The following PKHD1 variants were observed in gnomAD, a reference collection of about 807,000 sequenced individuals.
The protein encoded by PKHD1 is fibrocystin.
PKHD1 carries 291 observed loss-of-function variants against 412.0 expected under a neutral mutation model. The ratio of observed to expected loss-of-function variants is 0.71; its 90% CI spans 0.64 to 0.78. The LOEUF (loss-of-function observed/expected upper bound fraction) is 0.78. PKHD1 is among the 30% of genes least tolerant of loss of function. The probability of loss-of-function intolerance (pLI) is 0.00; values close to 1 mark genes in which losing one functional copy is unlikely to be tolerated. For missense variants in PKHD1, 4,825 were observed against 4,950.7 expected (o/e 0.97, Z 0.76); for synonymous variants, 1,777 against 1,821.5 (o/e 0.98, Z 0.62).
rs758752468 is a variant in PKHD1 at position 52,084,913 on chromosome 6, A to C, written c.21T>G (p.Ser7=). MTAWLI[S]LMSIEVLLLA... Reference sequence around the variant, plus strand: ...AAAGTAGTACTTCAATACTCATCAGAGAGATCAGCCAGGCAGTCATTCTGT... The same window carrying C: ...AAAGTAGTACTTCAATACTCATCAGCGAGATCAGCCAGGCAGTCATTCTGT... The change falls in exon 2 of 67, where the codon TCT becomes TCG. Residue 7 remains serine (S), a synonymous_variant. Transcript: ENST00000371117. 1 of 1,607,730 alleles carries C rather than the reference A, an allele frequency of 6.2e-7. No homozygotes were observed. Among genetic ancestry groups the C allele is most frequent in the Admixed American group, 1.7e-5 (1 of 60,012 alleles).
chr6:51,791,331 C>G lies in PKHD1; in HGVS notation c.8345G>C (p.Gly2782Ala), dbSNP rs147222255. ...LVDTDLPFFK[G>A]LYVMGTLDFP... ...GTCTAAGGTCCCCATCACATACAGC[C>G]CTTTGAAGAATGGAAGATCTGTATC... The change falls in exon 53 of 67, where the codon GGG becomes GCG. Residue 2782 changes from glycine to alanine, a missense_variant. Physicochemically the swap from Gly to Ala is moderately conservative, Grantham distance 60 (BLOSUM62 0). Coordinates refer to ENST00000371117, the MANE Select transcript of PKHD1 (RefSeq NM_138694.4). 4.1e-3 allele frequency: 6,545 copies of G among 1,613,232 alleles called. 14 individuals are homozygous for G. The highest frequency in any genetic ancestry group is 5.2e-3 in the Non-Finnish European group (6,076 of 1,179,294).
intron 57 of PKHD1, among the ~76,000 whole-genome samples, chr6:51,751,773 A>G (rs1023655662): frequency 6.6e-6 from 1 of 152,326 alleles, no homozygotes; most frequent in African/African-American, 2.4e-5. Flanking sequence ...AAGGAGCTAC[A>G]TAAATAAATA....
intron 52 of PKHD1, among the ~76,000 whole-genome samples, chr6:51,812,002 T>C (rs1199160842): frequency 2.6e-5 from 4 of 152,180 alleles, no homozygotes; most frequent in Non-Finnish European, 5.9e-5. Context: ...GATAGCCATA[T>C]ATAATTAGAT....
chr6:51,999,059 G>A (rs1189790452), intron 35 of PKHD1, among the ~76,000 whole-genome samples: 1 of 152,166 alleles, frequency 6.6e-6, no homozygotes, highest in Non-Finnish European at 1.5e-5. Flanking sequence ...GCTCTTAGAG[G>A]AGTTGTGCCT....
At chr6:51,891,556 G>A (rs1197558883) in intron 43 of PKHD1, among the ~76,000 whole-genome samples, 1 of 152,094 alleles carries the variant, frequency 6.6e-6, no homozygotes, top group Non-Finnish European at 1.5e-5. Context: ...TGGGATTATA[G>A]GCATGAGGCA....
intron 52 of PKHD1, among the ~76,000 whole-genome samples, chr6:51,794,186 G>A (rs2894789): frequency 0.35 from 52,458 of 151,494 alleles, 11,172 homozygotes; most frequent in East Asian, 0.68. Flanking sequence ...ACAGGTGTCC[G>A]CCACCGCGCC....
chr6:52,018,831 TTA>T (rs1800950989), intron 33 of PKHD1, among the ~76,000 whole-genome samples: 1 of 152,216 alleles, frequency 6.6e-6, no homozygotes, highest in Non-Finnish European at 1.5e-5. Flanking sequence ...ACCAACTTTT[TTA>T]TGTTTGGTAA....
chr6:51,825,914 C>T (rs538279945), intron 52 of PKHD1, among the ~76,000 whole-genome samples: 1 of 151,676 alleles, frequency 6.6e-6, no homozygotes. Context: ...AGGTACAAGA[C>T]CAAAATTTGA....
At chr6:52,066,499 T>A (rs1207042710) in intron 11 of PKHD1, among the ~76,000 whole-genome samples, 1 of 152,096 alleles carries the variant, frequency 6.6e-6, no homozygotes, top group Non-Finnish European at 1.5e-5. Flanking sequence ...AGCAGAAGAA[T>A]GAATTTCACT....
intron 52 of PKHD1, among the ~76,000 whole-genome samples, chr6:51,810,402 A>G (rs1339673083): frequency 6.6e-6 from 1 of 152,116 alleles, no homozygotes; most frequent in Non-Finnish European, 1.5e-5. Context: ...GCCTTCAAAA[A>G]TCTTGTTTTA....
intron 50 of PKHD1, among the ~76,000 whole-genome samples, 161 bp downstream of exon 50, chr6:51,847,614 A>C (rs908899541): frequency 6.6e-6 from 1 of 152,184 alleles, no homozygotes; most frequent in Non-Finnish European, 1.5e-5. Flanking sequence ...GCTGGGATTT[A>C]AACCCAGGCA....
intron 60 of PKHD1, among the ~76,000 whole-genome samples, chr6:51,668,341 CTGTT>C (rs759931661): frequency 0.011 from 1,727 of 152,254 alleles, 16 homozygotes; most frequent in Non-Finnish European, 0.018. Context: ...ATTTGTTTCT[CTGTT>C]TGTCTGTTGT....
intron 13 of PKHD1, among the ~76,000 whole-genome samples, chr6:52,064,607 A>T (rs566157151): frequency 2.6e-5 from 4 of 152,132 alleles, no homozygotes; most frequent in Non-Finnish European, 4.4e-5. Context: ...CTTCTTAGCC[A>T]GTGGACGTGC....
chr6:52,038,397 AG>A (rs1804284323), intron 27 of PKHD1, among the ~76,000 whole-genome samples: 1 of 149,704 alleles, frequency 6.7e-6, no homozygotes, highest in African/African-American at 2.4e-5. Flanking sequence ...AAAAGTTGGC[AG>A]GGGTGTGCAA....
At chr6:51,633,375 T>TA (rs1768157232) in intron 64 of PKHD1, among the ~76,000 whole-genome samples, 1 of 152,078 alleles carries the variant, frequency 6.6e-6, no homozygotes, top group Non-Finnish European at 1.5e-5. Flanking sequence ...TAAAATAATC[T>TA]AAAAAAGAAA....
At chr6:51,707,816 A>G (rs1243783773) in intron 60 of PKHD1, among the ~76,000 whole-genome samples, 1 of 151,908 alleles carries the variant, frequency 6.6e-6, no homozygotes, top group Non-Finnish European at 1.5e-5. Flanking sequence ...GTATCATCCC[A>G]CCCACCTTGG....
intron 35 of PKHD1, among the ~76,000 whole-genome samples, chr6:51,988,276 T>C (rs772828271): frequency 3.3e-5 from 5 of 152,232 alleles, no homozygotes; most frequent in African/African-American, 9.6e-5. Flanking sequence ...CATTTCATTA[T>C]AGGTAATTTA....
chr6:51,758,557 G>T lies in PKHD1; in HGVS notation c.8643-3619C>A, dbSNP rs73738187. The stretch of plus-strand genomic sequence containing the variant: ...GTATGACTCCTAGATCTTCAGGGAA[G>T]AGGGGAGACTTGCTTGTTGTTATGA... On this transcript the variant is annotated intron_variant, in intron 55 of 66. Transcript: ENST00000371117. Among the ~76,000 whole-genome samples, 474 of 152,256 alleles carry T rather than the reference G, an allele frequency of 3.1e-3. 1 individual carries two copies. Among genetic ancestry groups the T allele is most frequent in the African/African-American group, 0.011 (455 of 41,544 alleles).
intron 60 of PKHD1, among the ~76,000 whole-genome samples, chr6:51,688,220 C>T (rs987274527): frequency 6.6e-6 from 1 of 152,200 alleles, no homozygotes; most frequent in Admixed American, 6.5e-5. Context: ...TGAATCAGTA[C>T]TTGACTGATT....
Sources: allele counts gnomAD v4.1 joint callset (sites outside exome capture counted in the v4.1 genomes callset), GRCh38; gene constraint gnomAD v4.1.1; transcripts MANE v1.5; gene names NCBI Gene and HGNC (gene_info 2026-07-23, HGNC 2026-07-21).